CUX2: variants seen among roughly 807,000 people sequenced by gnomAD.
CUX2 encodes the protein cut like homeobox 2, also known as homeobox protein cut-like 2.
Under a neutral mutation model 144.8 loss-of-function variants are expected in CUX2, and 40 were observed. The observed-to-expected ratio is 0.28, with a 90% CI of 0.21 to 0.36. The LOEUF is 0.36. CUX2 is among the 10% of genes least tolerant of loss of function. The probability of loss-of-function intolerance (pLI) is 1.00; values close to 1 mark genes in which losing one functional copy is unlikely to be tolerated. For missense variants in CUX2, 1,615 were observed against 1,994.0 expected (o/e 0.81, Z 3.62); for synonymous variants, 827 against 875.6 (o/e 0.94, Z 0.98).
At chr12:111,172,100 C>CGTGTGCATATGCTTGTGTGTGT (rs1878569511) in intron 1 of CUX2, among the ~76,000 whole-genome samples, 1 of 151,098 alleles carries the variant, frequency 6.6e-6, no homozygotes, top group Non-Finnish European at 1.5e-5. Context: ...CATGTCTCTG[C>CGTGTGCATATGCTTGTGTGTGT]GTGTGCATAT....
At chr12:111,301,989 G>A (rs1458174090) in intron 9 of CUX2, among the ~76,000 whole-genome samples, 1 of 152,152 alleles carries the variant, frequency 6.6e-6, no homozygotes, top group African/African-American at 2.4e-5. Flanking sequence ...GATATGCTCA[G>A]GGTTCCCTAA....
chr12:111,215,080 C>T (rs1015606554), intron 2 of CUX2, among the ~76,000 whole-genome samples: 5 of 152,178 alleles, frequency 3.3e-5, no homozygotes, highest in African/African-American at 1.2e-4. Flanking sequence ...AGGGAACAGA[C>T]ATCAGAGATC....
intron 4 of CUX2, among the ~76,000 whole-genome samples, chr12:111,284,672 G>A (rs1885284227): frequency 6.6e-6 from 1 of 152,216 alleles, no homozygotes; most frequent in South Asian, 2.1e-4. Context: ...GTAAGTGGCA[G>A]AGATGGGATT....
chr12:111,272,490 A>G (rs1884683029), intron 4 of CUX2, among the ~76,000 whole-genome samples: 3 of 152,198 alleles, frequency 2.0e-5, no homozygotes, highest in Admixed American at 2.0e-4. Context: ...TCTGAGATGT[A>G]GTCTCACTCT....
intron 1 of CUX2, among the ~76,000 whole-genome samples, chr12:111,124,972 T>C (rs1285565837): frequency 6.6e-6 from 1 of 152,180 alleles, no homozygotes; most frequent in African/African-American, 2.4e-5. Flanking sequence ...AAGAGGATTC[T>C]AGTTTCTGTG....
intron 1 of CUX2, among the ~76,000 whole-genome samples, chr12:111,092,109 G>A (rs1251192924): frequency 6.6e-6 from 1 of 152,166 alleles, no homozygotes; most frequent in Non-Finnish European, 1.5e-5. Context: ...GAATTTTAGG[G>A]TACCACAATT....
chr12:111,341,763 T>C lies in CUX2; in HGVS notation c.3386-17T>C. The stretch of plus-strand genomic sequence containing the variant: ...GGGGACACCACCTCTCAGCCCTCCC[T>C]CTCTTCCTGGCCCCAGCCTACCTGA... On this transcript the variant is annotated splice_polypyrimidine_tract_variant and intron_variant, in intron 20 of 21. Transcript: ENST00000261726. 6.4e-7 allele frequency: 1 copy of C among 1,564,070 alleles called. No homozygotes were observed. Among genetic ancestry groups the C allele is most frequent in the Non-Finnish European group, 8.6e-7 (1 of 1,158,806 alleles).
intron 3 of CUX2, among the ~76,000 whole-genome samples, chr12:111,236,475 C>T (rs928542163): frequency 2.0e-5 from 3 of 152,120 alleles, no homozygotes; most frequent in Non-Finnish European, 2.9e-5. Flanking sequence ...GGAGATGGGA[C>T]GATCAGCGCA....
rs761109301 is a variant in CUX2 at position 111,347,679 on chromosome 12, T to C, written c.3815T>C (p.Val1272Ala). The change falls in exon 22 of 22, where the codon GTG becomes GCG. Residue 1272 changes from valine to alanine, a missense_variant. Coordinates refer to ENST00000261726, the MANE Select transcript of CUX2 (RefSeq NM_015267.4). ...DSETEDQKPTVKELELQEGPE... is the reference protein window; with the variant it reads ...DSETEDQKPTAKELELQEGPE... ...GAGACTGAGGACCAGAAGCCAACCG[T>C]GAAGGAACTGGAGCTTCAGGAGGGC... 4 of 1,575,454 alleles carry C rather than the reference T, an allele frequency of 2.5e-6. No homozygotes were observed. The highest frequency in any genetic ancestry group is 3.5e-6 in the Non-Finnish European group (4 of 1,158,192).
At chr12:111,318,798 T>C (rs1014152507) in intron 16 of CUX2, among the ~76,000 whole-genome samples, 9 of 151,868 alleles carry the variant, frequency 5.9e-5, no homozygotes, top group African/African-American at 2.2e-4. Flanking sequence ...ACTCAGACCC[T>C]GAGGTACAGG....
Position 111,263,649 on chromosome 12 carries a change from A to ATGCTCTG in CUX2, c.223-112_223-111insTGCTCTG, listed in dbSNP as rs1884241765. 2 of 898,948 alleles carry ATGCTCTG rather than the reference A, an allele frequency of 2.2e-6. No individual in the cohort carries two copies. The highest frequency in any genetic ancestry group is 3.4e-5 in the African/African-American group (2 of 59,270). The allele number at this position is 898,948 out of a possible 1,614,324, so 55.7% of individuals were successfully genotyped here. On this transcript the variant is annotated intron_variant, in intron 3 of 21. Transcript: ENST00000261726. The surrounding 1 kb of genome is among the most constrained non-coding windows in gnomAD (Gnocchi z 4.0). ...CAAAAACAAAACAAAACAAAACAAA[A>ATGCTCTG]CAAAACAAAAAACCTGCAGATGTTT...
In CUX2 at chr12:111,348,143, G is replaced by C; in HGVS notation, c.4279G>C (p.Ala1427Pro). The C allele has an allele frequency of 6.2e-7, 1 of 1,613,668 alleles. No homozygotes were observed. Among genetic ancestry groups the C allele is most frequent in the Non-Finnish European group, 8.5e-7 (1 of 1,179,876 alleles). Residue 1427 changes from alanine to proline, a missense_variant, in exon 22 of 22, where the codon GCC (alanine) becomes CCC (proline). Physicochemically the swap from Ala to Pro is conservative, Grantham distance 27. Around this residue, in one of 12 missense-constraint regions of CUX2, gnomAD observed 298 missense variants for 330.4 expected, o/e 0.90. Coordinates refer to ENST00000261726, the MANE Select transcript of CUX2 (RefSeq NM_015267.4). ...SAPISPSPPG[A>P]PPAKVPSASP... ...TCCCATCTCCCCATCCCCACCTGGC[G>C]CCCCCCCTGCCAAAGTGCCGAGTGC...
At position 111,255,578 on chromosome 12, in the gene CUX2, G is replaced by GA. The variant is rs1389214118; in HGVS notation, c.223-8182dup. ...AAAGAATCGATTCTGAGTGGAGGCT[G>GA]AGAAGCATGGGCTTTGCTGTCAGAC... is the stretch of plus-strand genomic sequence containing the variant. On this transcript the variant is annotated intron_variant, in intron 3 of 21. Transcript: ENST00000261726. The surrounding 1 kb of genome is among the most constrained non-coding windows in gnomAD (Gnocchi z 4.1). Among the ~76,000 whole-genome samples, 1 of 152,198 alleles carries GA rather than the reference G, an allele frequency of 6.6e-6. No individual in the cohort carries two copies. Among genetic ancestry groups the GA allele is most frequent in the Non-Finnish European group, 1.5e-5 (1 of 68,046 alleles).
intron 4 of CUX2, among the ~76,000 whole-genome samples, chr12:111,269,341 G>A (rs1219279965): frequency 6.6e-6 from 1 of 152,170 alleles, no homozygotes; most frequent in African/African-American, 2.4e-5. Context: ...GGTTATTGGA[G>A]CAAAAAGATA....
chr12:111,042,796 CTT>C (rs770921301), intron 1 of CUX2, among the ~76,000 whole-genome samples: 140 of 138,570 alleles, frequency 1.0e-3, no homozygotes, highest in Admixed American at 1.5e-3. Context: ...CCACGCCTGG[CTT>C]TTTTTTTTTT....
At position 111,255,346 on chromosome 12, in the gene CUX2, G is replaced by A. The variant is rs1169869262; in HGVS notation, c.223-8415G>A. Among the ~76,000 whole-genome samples the A allele has an allele frequency of 6.6e-6, 1 of 152,232 alleles. No homozygotes were observed. Among genetic ancestry groups the A allele is most frequent in the African/African-American group, 2.4e-5 (1 of 41,464 alleles). Reference sequence around the variant, plus strand: ...CTTATTTAATCCCTGACATTAAAATGTAATTTTCATTTGCTCAGCGGCATC... The same window carrying A: ...CTTATTTAATCCCTGACATTAAAATATAATTTTCATTTGCTCAGCGGCATC... On this transcript the variant is annotated intron_variant, in intron 3 of 21. Coordinates refer to ENST00000261726, the MANE Select transcript of CUX2 (RefSeq NM_015267.4). The surrounding 1 kb of genome is among the most constrained non-coding windows in gnomAD (Gnocchi z 4.1).
intron 16 of CUX2, among the ~76,000 whole-genome samples, chr12:111,317,403 C>T (rs1025264624): frequency 5.9e-5 from 8 of 136,486 alleles, no homozygotes; most frequent in Admixed American, 4.2e-4. Flanking sequence ...TGTGTACACA[C>T]GTGCATATAT....
intron 4 of CUX2, among the ~76,000 whole-genome samples, chr12:111,265,308 A>ATTTTT (rs1324581184): frequency 7.8e-6 from 1 of 128,180 alleles, no homozygotes; most frequent in African/African-American, 3.5e-5. Flanking sequence ...ATTTTATTTT[A>ATTTTT]TTTTTATTTT....
At chr12:111,193,468 G>C (rs563868409) in intron 1 of CUX2, among the ~76,000 whole-genome samples, 3 of 152,332 alleles carry the variant, frequency 2.0e-5, no homozygotes, top group South Asian at 2.1e-4. Flanking sequence ...TAGCTGTTGG[G>C]GGGGAGAAAA....
Sources: gnomAD v4.1 joint callset for allele counts (sites outside exome capture counted in the v4.1 genomes callset) on GRCh38, gnomAD v4.1.1 for gene constraint, gnomAD v4.1.1 regional missense constraint, Gnocchi (gnomAD v3.1) non-coding constraint, MANE v1.5 for transcripts, NCBI Gene and HGNC (gene_info 2026-07-23, HGNC 2026-07-21) for gene names.